The following ROBO1 variants were observed in gnomAD, a reference collection of about 807,000 sequenced individuals.
ROBO1 encodes the protein roundabout homolog 1.
ROBO1 carries 149 observed loss-of-function variants against 195.9 expected under a neutral mutation model. That is an observed-to-expected ratio of 0.76 (90% CI 0.67 to 0.87). The LOEUF (loss-of-function observed/expected upper bound fraction) is 0.87. Among genes scored for constraint, ROBO1 ranks in the 40% least tolerant of loss-of-function variants. The probability of loss-of-function intolerance (pLI) is 0.00; values close to 1 mark genes in which losing one functional copy is unlikely to be tolerated. For missense variants in ROBO1, 1,933 were observed against 2,068.3 expected (o/e 0.93, Z 1.27); for synonymous variants, 816 against 733.2 (o/e 1.11, Z -1.82).
intron 2 of ROBO1, among the ~76,000 whole-genome samples, chr3:79,413,323 C>T (rs1248942189): frequency 2.0e-5 from 3 of 151,924 alleles, no homozygotes; most frequent in Non-Finnish European, 2.9e-5. Context: ...TTAAAACAAG[C>T]TGGGTATAAG....
At chr3:78,640,021 T>C in intron 21 of ROBO1, 123 bp from the exon 22 acceptor site, 1 of 832,438 alleles carries the variant, frequency 1.2e-6, no homozygotes, top group Non-Finnish European at 1.8e-6. Flanking sequence ...CTATGCTGAA[T>C]GACATTATTA....
At chr3:79,532,743 A>G (rs1252857972) in intron 2 of ROBO1, among the ~76,000 whole-genome samples, 1 of 152,222 alleles carries the variant, frequency 6.6e-6, no homozygotes, top group Non-Finnish European at 1.5e-5. Flanking sequence ...GTTTTAAACA[A>G]TCTAGGGATT....
At chr3:78,621,320 CCTT>C (rs1704442613) in intron 26 of ROBO1, among the ~76,000 whole-genome samples, 1 of 152,164 alleles carries the variant, frequency 6.6e-6, no homozygotes, top group Non-Finnish European at 1.5e-5. Flanking sequence ...GAAACTTCTT[CCTT>C]CTTAAAGACA....
At chr3:78,675,816 G>C (rs1237110453) in intron 10 of ROBO1, among the ~76,000 whole-genome samples, 1 of 152,148 alleles carries the variant, frequency 6.6e-6, no homozygotes, top group African/African-American at 2.4e-5. Context: ...GCTTTGAAGA[G>C]AGCAGTGGTT....
chr3:78,981,983 G>A (rs536771518), intron 3 of ROBO1, among the ~76,000 whole-genome samples: 1 of 152,238 alleles, frequency 6.6e-6, no homozygotes, highest in African/African-American at 2.4e-5. Context: ...AAAAGTTGTT[G>A]CCACATCCAG....
intron 2 of ROBO1, among the ~76,000 whole-genome samples, chr3:79,333,808 T>G (rs1205068151): frequency 6.6e-6 from 1 of 152,182 alleles, no homozygotes; most frequent in East Asian, 1.9e-4. Context: ...GTTGGTCAAG[T>G]TTCTCTTTCT....
At chr3:79,472,280 T>A (rs569694049) in intron 2 of ROBO1, among the ~76,000 whole-genome samples, 69 of 152,172 alleles carry the variant, frequency 4.5e-4, no homozygotes, top group African/African-American at 1.6e-3. Context: ...CTTCCTAGTG[T>A]TTAGGATTAG....
At chr3:79,351,818 A>G (rs2035354750) in intron 2 of ROBO1, among the ~76,000 whole-genome samples, 1 of 152,076 alleles carries the variant, frequency 6.6e-6, no homozygotes, top group Admixed American at 6.6e-5. Context: ...TTAAAGAACC[A>G]ACTTCTGGGA....
In ROBO1 at chr3:79,146,907, T is replaced by C. The variant is rs947351922; in HGVS notation, c.89-21368A>G. 1.1e-4 allele frequency among the ~76,000 whole-genome samples: 16 copies of C among 151,892 alleles called. 1 individual carries two copies. The highest frequency in any genetic ancestry group is 6.9e-3 in the Middle Eastern group (2 of 290). On this transcript the variant is annotated intron_variant, in intron 2 of 30. Transcript: ENST00000464233. Reference sequence around the variant, plus strand: ...TCTAAGCAGAAGGAAATGGTGAAAATATCTTTCCAATAGTTGCTTTAGCTA... The same window carrying C: ...TCTAAGCAGAAGGAAATGGTGAAAACATCTTTCCAATAGTTGCTTTAGCTA...
intron 2 of ROBO1, among the ~76,000 whole-genome samples, chr3:79,584,699 A>G (rs1943773028): frequency 6.7e-6 from 1 of 150,074 alleles, no homozygotes; most frequent in African/African-American, 2.5e-5. Flanking sequence ...ATACACATGC[A>G]ATGTGATTAG....
intron 1 of ROBO1, among the ~76,000 whole-genome samples, chr3:79,708,595 G>A (rs745444330): frequency 2.6e-5 from 4 of 152,184 alleles, no homozygotes; most frequent in Non-Finnish European, 4.4e-5. Flanking sequence ...GGGGATGACA[G>A]CTTCACACTG....
At chr3:79,144,845 CT>C in intron 2 of ROBO1, among the ~76,000 whole-genome samples, 2 of 152,044 alleles carry the variant, frequency 1.3e-5, no homozygotes, top group Middle Eastern at 6.8e-3. Flanking sequence ...TACGTTGCCA[CT>C]GTGAATAGCA....
chr3:78,966,029 C>A (rs1423059331), intron 3 of ROBO1, among the ~76,000 whole-genome samples: 1 of 152,182 alleles, frequency 6.6e-6, no homozygotes, highest in Non-Finnish European at 1.5e-5. Flanking sequence ...CCGGCATTAG[C>A]CCCTGAGCTC....
intron 1 of ROBO1, among the ~76,000 whole-genome samples, chr3:79,666,909 CTTTA>C (rs1946491963): frequency 6.6e-6 from 1 of 151,844 alleles, no homozygotes; most frequent in Admixed American, 6.6e-5. Flanking sequence ...AATAAACTAA[CTTTA>C]TTTATACTCT....
chr3:79,524,186 T>TGTGTGA (rs1254061085), intron 2 of ROBO1, among the ~76,000 whole-genome samples: 1 of 147,990 alleles, frequency 6.8e-6, no homozygotes, highest in Non-Finnish European at 1.5e-5. Flanking sequence ...TGTGTGTGTG[T>TGTGTGA]GACAGAGACA....
At chr3:79,764,555 G>T (rs1034110598) in intron 1 of ROBO1, among the ~76,000 whole-genome samples, 1 of 152,174 alleles carries the variant, frequency 6.6e-6, no homozygotes, top group Admixed American at 6.5e-5. Context: ...TTACTGCCTT[G>T]CTTTTTTTCA....
At chr3:79,490,943 C>T (rs140936179) in intron 2 of ROBO1, among the ~76,000 whole-genome samples, 1 of 152,206 alleles carries the variant, frequency 6.6e-6, no homozygotes, top group South Asian at 2.1e-4. Context: ...CTTCCCTCCC[C>T]CTTCCCTTCT....
Position 78,629,924 on chromosome 3 carries a change from T to C in ROBO1, c.3626+1237A>G, listed in dbSNP as rs183522198. 2.7e-3 allele frequency among the ~76,000 whole-genome samples: 418 copies of C among 152,274 alleles called. 4 individuals are homozygous for C. The highest frequency in any genetic ancestry group is 9.5e-3 in the African/African-American group (395 of 41,568). ...TCTCACACGGTAAACAAGCGTCCTT[T>C]TCATGGTTTATTTAGTGCCATGTTT... On this transcript the variant is annotated intron_variant, in intron 25 of 30. Transcript: ENST00000464233.
At chr3:79,213,816 C>CTTTTT (rs59942369) in intron 2 of ROBO1, among the ~76,000 whole-genome samples, 404 of 74,564 alleles carry the variant, frequency 5.4e-3, no homozygotes, top group Middle Eastern at 0.01. Context: ...TCTCCCCTTT[C>CTTTTT]TTTTTTTTTT....
Sources: allele counts gnomAD v4.1 joint callset (sites outside exome capture counted in the v4.1 genomes callset), GRCh38; gene constraint gnomAD v4.1.1; transcripts MANE v1.5; gene names NCBI Gene and HGNC (gene_info 2026-07-23, HGNC 2026-07-21).